The following LIN54 variants were observed in gnomAD, a reference collection of about 807,000 sequenced individuals.
The protein encoded by LIN54 is protein lin-54 homolog.
In LIN54, 9 loss-of-function variants were observed where a neutral mutation model predicts 78.7. That is an observed-to-expected ratio of 0.11 (90% confidence interval 0.07 to 0.20). LIN54 has a LOEUF of 0.20. Ranked by LOEUF, LIN54 falls within the 10% of genes least tolerant of loss-of-function variation. LIN54 has a pLI of 1.00. For synonymous variants in LIN54, 269 were observed against 318.4 expected (o/e 0.84, Z 1.65); for missense variants, 573 against 889.9 (o/e 0.64, Z 4.53).
At chr4:82,934,985 T>C (rs531168294) in intron 11 of LIN54, among the ~76,000 whole-genome samples, 1 of 152,234 alleles carries the variant, frequency 6.6e-6, no homozygotes, top group South Asian at 2.1e-4. Context: ...TTCAACTACA[T>C]CTTCCAGAGA....
intron 11 of LIN54, among the ~76,000 whole-genome samples, chr4:82,933,277 A>G (rs1313553547): frequency 6.6e-6 from 1 of 150,754 alleles, no homozygotes; most frequent in African/African-American, 2.4e-5. Context: ...AATTATCTTT[A>G]TATTTTAAGA....
intron 11 of LIN54, among the ~76,000 whole-genome samples, chr4:82,934,915 T>C (rs1722267333): frequency 6.6e-6 from 1 of 152,130 alleles, no homozygotes; most frequent in Non-Finnish European, 1.5e-5. Context: ...AATAAAACTA[T>C]ATAGTACTGT....
At position 82,978,900 on chromosome 4, in the gene LIN54, G is replaced by A; in HGVS notation, c.791C>T (p.Ser264Leu). ...KAVTGQTTQV[S>L]PPVIAGRVLS... is the part of the protein sequence containing the mutation. ...AATATAACCTGCAATAACTGGTGGT[G>A]AAACTTGAGTTGTCTGTCCTGTAAC... Residue 264 changes from serine to leucine, a missense_variant, in exon 3 of 13, where the codon TCA becomes TTA. Coordinates refer to ENST00000340417, the MANE Select transcript of LIN54 (RefSeq NM_194282.4). The A allele has an allele frequency of 1.9e-6, 3 of 1,556,640 alleles. No homozygotes were observed. The highest frequency in any genetic ancestry group is 1.8e-6 in the Non-Finnish European group (2 of 1,133,980).
chr4:82,954,953 C>T (rs986506218), intron 4 of LIN54, among the ~76,000 whole-genome samples: 1 of 152,124 alleles, frequency 6.6e-6, no homozygotes, highest in Non-Finnish European at 1.5e-5. Context: ...TTTAGATACA[C>T]TACCAAAAGG....
At chr4:82,939,334 T>A (rs1200393823) in intron 7 of LIN54, among the ~76,000 whole-genome samples, 1 of 152,234 alleles carries the variant, frequency 6.6e-6, no homozygotes, top group Non-Finnish European at 1.5e-5. Flanking sequence ...ATTGTCTGAC[T>A]TGTATATCTG....
At chr4:82,974,096 G>A (rs1371773488) in intron 3 of LIN54, among the ~76,000 whole-genome samples, 3 of 152,090 alleles carry the variant, frequency 2.0e-5, no homozygotes, top group Non-Finnish European at 4.4e-5. Flanking sequence ...TGTAGTCCCA[G>A]CTACTTGGGA....
chr4:82,926,094 T>C lies in LIN54; in HGVS notation c.*2008A>G, dbSNP rs1260510397. On this transcript the variant is annotated 3_prime_UTR_variant, in exon 13 of 13. Coordinates refer to ENST00000340417, the MANE Select transcript of LIN54 (RefSeq NM_194282.4). ...TTACAAGCAAAACATTCGTAAGCAA[T>C]GCCATCATACATAATCTACAATTGT... is the stretch of plus-strand genomic sequence containing the variant. 1.3e-5 allele frequency: 2 copies of C among 152,608 alleles called. No homozygotes were observed. Among genetic ancestry groups the C allele is most frequent in the Non-Finnish European group, 2.9e-5 (2 of 68,008 alleles). 9.5% of individuals were successfully genotyped at this position (152,608 alleles called of 1,614,324 possible).
At chr4:82,986,668 C>T (rs1727169995) in intron 1 of LIN54, among the ~76,000 whole-genome samples, 1 of 134,628 alleles carries the variant, frequency 7.4e-6, no homozygotes. Context: ...CGTGCCACTG[C>T]ACTTGAGCCG....
In LIN54 at chr4:82,925,039, T is replaced by C. The variant is rs1401262351; in HGVS notation, c.*3063A>G. ...ATGTCAGTTGTTCACTACCAGAAAA[T>C]GGGGAACTAATCACTCTGTTTGCTT... is the stretch of plus-strand genomic sequence containing the variant. On this transcript the variant is annotated 3_prime_UTR_variant, in exon 13 of 13. Transcript: ENST00000340417. The C allele has an allele frequency of 6.6e-6, 1 of 152,596 alleles. No individual in the cohort carries two copies. Among genetic ancestry groups the C allele is most frequent in the Non-Finnish European group, 1.5e-5 (1 of 68,020 alleles). The allele number at this position is 152,596 out of a possible 1,614,324, so 9.5% of individuals were successfully genotyped here.
At chr4:82,962,889 A>C (rs1724917478) in intron 4 of LIN54, among the ~76,000 whole-genome samples, 1 of 152,048 alleles carries the variant, frequency 6.6e-6, no homozygotes, top group South Asian at 2.1e-4. Context: ...GAACTCTTAA[A>C]ATGAGAAGAT....
At position 82,927,889 on chromosome 4, in the gene LIN54, T is replaced by A; in HGVS notation, c.*213A>T. On this transcript the variant is annotated 3_prime_UTR_variant, in exon 13 of 13. Coordinates refer to ENST00000340417, the MANE Select transcript of LIN54 (RefSeq NM_194282.4). ...AAAAAATCTATATAATAAAGAAAAA[T>A]TCAATTTAGAAGGGGCATAAGCAGA... 1 of 468,924 alleles carries A rather than the reference T, an allele frequency of 2.1e-6. No homozygotes were observed. Among genetic ancestry groups the A allele is most frequent in the Non-Finnish European group, 3.8e-6 (1 of 266,232 alleles). The allele number at this position is 468,924 out of a possible 1,614,324, so 29.0% of individuals were successfully genotyped here.
chr4:82,979,056 A>T, intron 2 of LIN54, 50 bp from the exon 3 acceptor site: 1 of 1,423,560 alleles, frequency 7.0e-7, no homozygotes, highest in Non-Finnish European at 9.6e-7. Context: ...TAAAATGCCT[A>T]TTAAATCAAA....
intron 4 of LIN54, among the ~76,000 whole-genome samples, chr4:82,958,252 T>C (rs893686568): frequency 6.6e-6 from 1 of 152,236 alleles, no homozygotes; most frequent in Non-Finnish European, 1.5e-5. Context: ...TATATACAGA[T>C]GATTATTCTA....
intron 1 of LIN54, among the ~76,000 whole-genome samples, chr4:83,005,494 T>C (rs1173291657): frequency 6.6e-6 from 1 of 151,806 alleles, no homozygotes; most frequent in East Asian, 1.9e-4. Context: ...CTGGGCATGG[T>C]GGAGTGCACC....
chr4:82,986,776 T>C (rs1464019018), intron 1 of LIN54, among the ~76,000 whole-genome samples: 2 of 150,896 alleles, frequency 1.3e-5, no homozygotes, highest in Non-Finnish European at 2.9e-5. Flanking sequence ...TTACAACTAT[T>C]AGCATTGGCA....
chr4:83,008,419 G>A (rs2126117711), intron 1 of LIN54, among the ~76,000 whole-genome samples: 2 of 152,326 alleles, frequency 1.3e-5, no homozygotes, highest in Middle Eastern at 6.8e-3. Context: ...GGGAGGCCGA[G>A]GTGGGTGGAT....
At chr4:82,958,522 C>A (rs1252018658) in intron 4 of LIN54, among the ~76,000 whole-genome samples, 2 of 152,144 alleles carry the variant, frequency 1.3e-5, no homozygotes, top group African/African-American at 4.8e-5. Context: ...ACTTATCCAA[C>A]TGTAATTTCC....
chr4:82,939,401 G>C (rs1722651547), intron 7 of LIN54, 138 bp downstream of exon 7: 1 of 724,620 alleles, frequency 1.4e-6, no homozygotes, highest in Non-Finnish European at 2.4e-6. Context: ...TTAAAGGTTT[G>C]GGTTAACATT....
chr4:82,978,517 A>T (rs2126080748), intron 3 of LIN54, among the ~76,000 whole-genome samples: 1 of 152,340 alleles, frequency 6.6e-6, no homozygotes. Flanking sequence ...CCACACTGGC[A>T]AAACGGGAAT....
Sources: gnomAD v4.1 joint callset for allele counts (sites outside exome capture counted in the v4.1 genomes callset) on GRCh38, gnomAD v4.1.1 for gene constraint, MANE v1.5 for transcripts, NCBI Gene and HGNC (gene_info 2026-07-23, HGNC 2026-07-21) for gene names.